The following ZDHHC2 variants were observed in gnomAD, a reference collection of about 807,000 sequenced individuals.
The protein encoded by ZDHHC2 is zDHHC palmitoyltransferase 2, also known as palmitoyltransferase ZDHHC2.
In ZDHHC2, 51 loss-of-function variants were observed where a neutral mutation model predicts 55.6. That is an observed-to-expected ratio of 0.92 (90% CI 0.73 to 1.16). The LOEUF is 1.16. ZDHHC2 is among the 50% of genes most tolerant of loss of function. The pLI, the probability that ZDHHC2 is intolerant of heterozygous loss-of-function variation, is 0.00. For synonymous variants in ZDHHC2, 199 were observed against 152.9 expected, an observed-to-expected ratio of 1.30 and a Z score of -2.22; for missense variants, 491 against 442.4, an observed-to-expected ratio of 1.11 and a Z score of -0.99.
At chr8:17,165,826 T>C (rs932781770) in intron 1 of ZDHHC2, among the ~76,000 whole-genome samples, 1 of 152,214 alleles carries the variant, frequency 6.6e-6, no homozygotes, top group Non-Finnish European at 1.5e-5. Context: ...TCATGAAATT[T>C]AAGCAGAGAA....
chr8:17,212,479 ATTAC>A (rs1807433498), intron 10 of ZDHHC2, among the ~76,000 whole-genome samples: 1 of 152,086 alleles, frequency 6.6e-6, no homozygotes, highest in Non-Finnish European at 1.5e-5. Flanking sequence ...CTCTCTTTCA[ATTAC>A]TTTGTATTTA....
intron 11 of ZDHHC2, 146 bp from the exon 12 acceptor site, chr8:17,217,026 T>C (rs974174589): frequency 2.9e-6 from 2 of 679,418 alleles, no homozygotes; most frequent in Non-Finnish European, 5.1e-6. Flanking sequence ...TGTGTGTTTC[T>C]ATATCACCAT....
chr8:17,198,143 G>A (rs1806419498), intron 5 of ZDHHC2, among the ~76,000 whole-genome samples: 1 of 152,090 alleles, frequency 6.6e-6, no homozygotes, highest in African/African-American at 2.4e-5. Context: ...TAGGAAATGA[G>A]TTGCTTTGCA....
intron 10 of ZDHHC2, among the ~76,000 whole-genome samples, chr8:17,214,167 A>G (rs1336521999): frequency 5.3e-5 from 8 of 152,172 alleles, no homozygotes; most frequent in Admixed American, 4.6e-4. Flanking sequence ...TATGCCAATA[A>G]TGTTTCCTAA....
At chr8:17,167,439 G>A (rs1350201952) in intron 1 of ZDHHC2, among the ~76,000 whole-genome samples, 2 of 151,526 alleles carry the variant, frequency 1.3e-5, no homozygotes, top group African/African-American at 2.4e-5. Flanking sequence ...TCGAGTAGCT[G>A]GGATTACAGG....
chr8:17,156,558 C>T lies in ZDHHC2; in HGVS notation c.-166C>T. ...GAGCCGGGAGTCCGCCGCGCCGGCT[C>T]GGGGCTGCGGGATGGGGAGTTAGCG... On this transcript the variant is annotated 5_prime_UTR_variant, in exon 1 of 13. Transcript: ENST00000262096. 2.8e-6 allele frequency: 1 copy of T among 358,780 alleles called. No homozygotes were observed. The highest frequency in any genetic ancestry group is 3.9e-6 in the Non-Finnish European group (1 of 255,556). The allele number at this position is 358,780 out of a possible 1,614,324, so 22.2% of individuals were successfully genotyped here.
intron 1 of ZDHHC2, among the ~76,000 whole-genome samples, chr8:17,170,796 G>A (rs1313989274): frequency 6.6e-6 from 1 of 152,166 alleles, no homozygotes; most frequent in African/African-American, 2.4e-5. Context: ...CAACTTGATT[G>A]TATATATTTT....
intron 1 of ZDHHC2, among the ~76,000 whole-genome samples, chr8:17,173,647 A>C (rs1047314556): frequency 6.6e-6 from 1 of 151,464 alleles, no homozygotes; most frequent in African/African-American, 2.4e-5. Flanking sequence ...GCACCACTGC[A>C]TTCCAGCTTG....
Position 17,224,128 on chromosome 8 carries a change from C to T in ZDHHC2, c.*3907C>T, listed in dbSNP as rs1808029632. On this transcript the variant is annotated 3_prime_UTR_variant, in exon 13 of 13. Transcript: ENST00000262096. The stretch of plus-strand genomic sequence containing the variant: ...TCTAATAGCTCAATCACCAACACCG[C>T]TGAGAATTGTTCTTATACCAGCAAA... The T allele has an allele frequency of 6.6e-6, 1 of 151,618 alleles. No individual in the cohort carries two copies. The highest frequency in any genetic ancestry group is 2.1e-4 in the South Asian group (1 of 4,828). 9.4% of individuals were successfully genotyped at this position (151,618 alleles called of 1,614,324 possible). A position where few individuals can be genotyped will look rare whatever the true frequency, so the allele number is the denominator to read the frequency against.
chr8:17,191,693 C>G (rs974877832), intron 3 of ZDHHC2, among the ~76,000 whole-genome samples: 3 of 152,174 alleles, frequency 2.0e-5, no homozygotes, highest in Non-Finnish European at 2.9e-5. Flanking sequence ...TAAGTAAACA[C>G]CACATTTTCA....
At chr8:17,212,899 G>A (rs1196542385) in intron 10 of ZDHHC2, among the ~76,000 whole-genome samples, 3 of 151,592 alleles carry the variant, frequency 2.0e-5, no homozygotes, top group African/African-American at 7.3e-5. Flanking sequence ...TTAACAGCCC[G>A]TTGCCCAGGC....
chr8:17,194,732 G>A (rs537886885), intron 3 of ZDHHC2, among the ~76,000 whole-genome samples: 137 of 152,086 alleles, frequency 9.0e-4, no homozygotes, highest in African/African-American at 2.8e-3. Context: ...GTTAAATGCC[G>A]GTACTATTCC....
intron 6 of ZDHHC2, among the ~76,000 whole-genome samples, chr8:17,203,897 T>G (rs560214858): frequency 2.4e-4 from 35 of 145,928 alleles, no homozygotes; most frequent in Non-Finnish European, 4.8e-4. Flanking sequence ...ACCCTCCACC[T>G]CCCGGATTCA....
In ZDHHC2 at chr8:17,205,636, G is replaced by A; in HGVS notation, c.477-19G>A. Reference sequence around the variant, plus strand: ...TGAAGATGTAAAACTCACTGGAAATGTTTTTGTTTTGTTAACAGGGTGAAC... The same window carrying A: ...TGAAGATGTAAAACTCACTGGAAATATTTTTGTTTTGTTAACAGGGTGAAC... On this transcript the variant is annotated intron_variant, in intron 6 of 12. Transcript: ENST00000262096. The A allele has an allele frequency of 6.3e-7, 1 of 1,583,756 alleles. No homozygotes were observed. The highest frequency in any genetic ancestry group is 2.3e-5 in the East Asian group (1 of 43,838).
At chr8:17,157,605 A>C (rs1203339508) in intron 1 of ZDHHC2, 1 of 152,226 alleles carries the variant, frequency 6.6e-6, no homozygotes, top group African/African-American at 2.4e-5. Context: ...CTGAAGATTA[A>C]AATTTTTTAA....
At chr8:17,219,779 C>G (rs1249226749) in intron 12 of ZDHHC2, among the ~76,000 whole-genome samples, 4 of 151,818 alleles carry the variant, frequency 2.6e-5, no homozygotes, top group East Asian at 1.9e-4. Context: ...GGCCCTGTCT[C>G]AAAAAACAAA....
intron 6 of ZDHHC2, among the ~76,000 whole-genome samples, chr8:17,204,616 C>G (rs566566400): frequency 6.6e-6 from 1 of 152,008 alleles, no homozygotes; most frequent in Non-Finnish European, 1.5e-5. Flanking sequence ...GATGAGAACA[C>G]ATGGACACAG....
intron 2 of ZDHHC2, 62 bp downstream of exon 2, chr8:17,184,877 C>G (rs1805632767): frequency 4.3e-6 from 6 of 1,396,512 alleles, no homozygotes; most frequent in African/African-American, 1.5e-5. Flanking sequence ...ATTGTATTCA[C>G]TTAGATTTGG....
intron 3 of ZDHHC2, among the ~76,000 whole-genome samples, chr8:17,191,373 AGGC>A (rs1806018684): frequency 6.6e-6 from 1 of 152,222 alleles, no homozygotes. Flanking sequence ...CTGGGATTAC[AGGC>A]ATAAGCCACT....
Sources: gnomAD v4.1 joint callset for allele counts (sites outside exome capture counted in the v4.1 genomes callset) on GRCh38, gnomAD v4.1.1 for gene constraint, MANE v1.5 for transcripts, NCBI Gene and HGNC (gene_info 2026-07-23, HGNC 2026-07-21) for gene names.